The following ATP2B4 variants were observed in gnomAD, a reference collection of about 807,000 sequenced individuals.
ATP2B4 encodes the protein ATPase plasma membrane Ca2+ transporting 4.
ATP2B4 carries 39 observed loss-of-function variants against 110.3 expected under a neutral mutation model. The observed-to-expected ratio is 0.35, with a 90% CI of 0.27 to 0.46. The LOEUF is 0.46. Among genes scored for constraint, ATP2B4 ranks in the 20% least tolerant of loss-of-function variants. The pLI is 1.00. For synonymous variants in ATP2B4, 538 were observed against 571.7 expected, an observed-to-expected ratio of 0.94 and a Z score of 0.84; for missense variants, 1,135 against 1,530.9, an observed-to-expected ratio of 0.74 and a Z score of 4.32.
chr1:203,707,851 C>A lies in ATP2B4; in HGVS notation c.1315-11C>A, dbSNP rs1207549251. On this transcript the variant is annotated splice_polypyrimidine_tract_variant and intron_variant, in intron 9 of 20. Transcript: ENST00000357681. ...GTCCCCCTCTCAAGTCTTTTCTCTT[C>A]TCCTTTGTAGAAAATGATGAAAGAC... 2 of 1,612,776 alleles carry A rather than the reference C, an allele frequency of 1.2e-6. No homozygotes were observed. Among genetic ancestry groups the A allele is most frequent in the Middle Eastern group, 1.7e-4 (1 of 6,004 alleles).
intron 1 of ATP2B4, among the ~76,000 whole-genome samples, chr1:203,655,315 G>A (rs1188060207): frequency 6.6e-6 from 1 of 150,452 alleles, no homozygotes; most frequent in Non-Finnish European, 1.5e-5. Context: ...TCTACTCTGG[G>A]TAAAATGCTG....
rs188625575 is a variant in ATP2B4 at position 203,660,280 on chromosome 1, T to C, written c.-464-22462T>C. Among the ~76,000 whole-genome samples, 12 of 152,186 alleles carry C rather than the reference T, an allele frequency of 7.9e-5. 1 individual carries two copies. The highest frequency in any genetic ancestry group is 2.6e-4 in the African/African-American group (11 of 41,512). On this transcript the variant is annotated intron_variant, in intron 1 of 20. Coordinates refer to ENST00000357681, the MANE Select transcript of ATP2B4 (RefSeq NM_001684.5). Reference sequence around the variant, plus strand: ...TTTTGGACCTGGGTTTATGGTCCAGTTTCACCACAAGTTAACTGCAGAGCT... The same window carrying C: ...TTTTGGACCTGGGTTTATGGTCCAGCTTCACCACAAGTTAACTGCAGAGCT...
intron 1 of ATP2B4, chr1:203,657,280 C>A: frequency 1.4e-6 from 1 of 722,974 alleles, no homozygotes; most frequent in Non-Finnish European, 2.5e-6. Context: ...CCATCTCCGA[C>A]AAAGCAGAGT....
intron 2 of ATP2B4, among the ~76,000 whole-genome samples, chr1:203,693,689 G>C (rs1407139429): frequency 6.6e-6 from 1 of 152,164 alleles, no homozygotes. Context: ...GAAGAAAAAA[G>C]ACAGGACTAA....
At chr1:203,739,470 T>G in intron 20 of ATP2B4, 76 bp from the exon 21 acceptor site, 1 of 1,450,728 alleles carries the variant, frequency 6.9e-7, no homozygotes, top group Non-Finnish European at 9.4e-7. Flanking sequence ...CTCTCCTAAA[T>G]CCACCATCTC....
chr1:203,631,228 C>A (rs1252580682), intron 1 of ATP2B4, among the ~76,000 whole-genome samples: 3 of 152,242 alleles, frequency 2.0e-5, no homozygotes, highest in African/African-American at 7.2e-5. Flanking sequence ...GGATTGAGAA[C>A]ATAGGTGCCA....
chr1:203,646,819 A>G (rs1663816339), intron 1 of ATP2B4, among the ~76,000 whole-genome samples: 1 of 152,190 alleles, frequency 6.6e-6, no homozygotes, highest in Non-Finnish European at 1.5e-5. Flanking sequence ...TCTACACAGG[A>G]TCATCCTAGA....
chr1:203,652,915 A>G (rs1186905435), intron 1 of ATP2B4, among the ~76,000 whole-genome samples: 1 of 152,212 alleles, frequency 6.6e-6, no homozygotes, highest in Non-Finnish European at 1.5e-5. Context: ...AATGGCCTCT[A>G]AGTGTTCATG....
chr1:203,696,874 G>T (rs1307365162), intron 2 of ATP2B4, among the ~76,000 whole-genome samples: 1 of 152,100 alleles, frequency 6.6e-6, no homozygotes, highest in Non-Finnish European at 1.5e-5. Context: ...GATGTGAGTG[G>T]TGTATGTGGT....
At chr1:203,706,581 G>A (rs978175602) in intron 8 of ATP2B4, among the ~76,000 whole-genome samples, 1 of 152,146 alleles carries the variant, frequency 6.6e-6, no homozygotes, top group Non-Finnish European at 1.5e-5. Context: ...TAGAGGAGAA[G>A]TCAAAATTGA....
intron 2 of ATP2B4, among the ~76,000 whole-genome samples, chr1:203,691,237 T>G (rs367698394): frequency 5.4e-4 from 83 of 152,338 alleles, no homozygotes; most frequent in African/African-American, 1.8e-3. Flanking sequence ...GCAAGTTTTT[T>G]GGGGGTCTGA....
rs938300655 is a variant in ATP2B4, at chr1:203,711,397, C to T, written c.2031+289C>T. Among the ~76,000 whole-genome samples, 7 of 152,104 alleles carry T rather than the reference C, an allele frequency of 4.6e-5. No homozygotes were observed. The South Asian group carries it at 1.5e-3, about 32-fold the overall frequency. On this transcript the variant is annotated intron_variant, in intron 12 of 20. Transcript: ENST00000357681. Reference sequence around the variant, plus strand: ...CAGGACACCAACTTTGTCTTTAGCTCCCTCCTTTCAATCAACACATTCTTT... The same window carrying T: ...CAGGACACCAACTTTGTCTTTAGCTTCCTCCTTTCAATCAACACATTCTTT...
intron 5 of ATP2B4, 49 bp from the exon 6 acceptor site, chr1:203,700,749 C>T (rs746969647): frequency 6.2e-7 from 1 of 1,606,642 alleles, no homozygotes; most frequent in East Asian, 2.2e-5. Flanking sequence ...CAAATCATGT[C>T]TAGGTATTAA....
At chr1:203,691,485 T>C (rs59213549) in intron 2 of ATP2B4, among the ~76,000 whole-genome samples, 1 of 152,242 alleles carries the variant, frequency 6.6e-6, no homozygotes, top group African/African-American at 2.4e-5. Flanking sequence ...GAGACTTTTT[T>C]CCCTGGGCCA....
chr1:203,645,590 CTT>C (rs751707749), intron 1 of ATP2B4, among the ~76,000 whole-genome samples: 7 of 138,504 alleles, frequency 5.1e-5, no homozygotes, highest in African/African-American at 1.1e-4. Flanking sequence ...CCTTTTCTTT[CTT>C]TTTTTTTTTT....
intron 2 of ATP2B4, among the ~76,000 whole-genome samples, chr1:203,691,874 A>T (rs1489412534): frequency 6.6e-6 from 1 of 151,980 alleles, no homozygotes; most frequent in South Asian, 2.1e-4. Context: ...GGGGTTTTTT[A>T]AAATTAATTT....
chr1:203,706,869 G>A, intron 8 of ATP2B4, 140 bp from the exon 9 acceptor site: 1 of 682,418 alleles, frequency 1.5e-6, no homozygotes, highest in South Asian at 1.9e-5. Context: ...CAGAGAATGG[G>A]GGGGATTTTA....
chr1:203,690,848 T>C (rs948877171), intron 2 of ATP2B4, among the ~76,000 whole-genome samples: 3 of 152,182 alleles, frequency 2.0e-5, no homozygotes, highest in African/African-American at 7.2e-5. Context: ...TAATTCACGA[T>C]GTGAGAAGGA....
rs193090402 is a variant in ATP2B4, at chr1:203,659,495, G to C, written c.-464-23247G>C. Among the ~76,000 whole-genome samples, 34 of 151,680 alleles carry C rather than the reference G, an allele frequency of 2.2e-4. No homozygotes were observed. The South Asian group carries it at 2.3e-3, about 10-fold the overall frequency. On this transcript the variant is annotated intron_variant, in intron 1 of 20. Coordinates refer to ENST00000357681, the MANE Select transcript of ATP2B4 (RefSeq NM_001684.5). ...ACCAGCCGAGACCACACAGCAAAAC[G>C]TTGTCTCTACAAAAACATTTGAAAA...
Sources: gnomAD v4.1 joint callset for allele counts (sites outside exome capture counted in the v4.1 genomes callset) on GRCh38, gnomAD v4.1.1 for gene constraint, MANE v1.5 for transcripts, NCBI Gene and HGNC (gene_info 2026-07-23, HGNC 2026-07-21) for gene names.